Variants in NAA25 observed in about 807,000 individuals in gnomAD.
NAA25 encodes the protein N-terminal acetyltransferase B complex subunit NAA25.
A neutral mutation model predicts 132.5 loss-of-function variants in NAA25; 30 were observed. The observed-to-expected ratio is 0.23, with a 90% confidence interval of 0.17 to 0.31. The LOEUF (loss-of-function observed/expected upper bound fraction) is 0.31. Ranked by LOEUF, NAA25 falls within the 10% of genes least tolerant of loss-of-function variation. NAA25 has a pLI of 1.00. For missense variants in NAA25, 771 were observed against 1,150.4 expected, an observed-to-expected ratio of 0.67 and a Z score of 4.77; for synonymous variants, 359 against 401.9, an observed-to-expected ratio of 0.89 and a Z score of 1.28.
intron 2 of NAA25, 82 bp from the exon 3 acceptor site, chr12:112,090,946 A>G: frequency 7.3e-7 from 1 of 1,377,704 alleles, no homozygotes. Context: ...TGAAAGAACA[A>G]GTATTAAGTT....
chr12:112,034,496 G>A (rs1340707354), intron 22 of NAA25: 1 of 152,228 alleles, frequency 6.6e-6, no homozygotes, highest in Non-Finnish European at 1.5e-5. Context: ...CATGGTGGCA[G>A]GCGCCTGTAA....
intron 11 of NAA25, among the ~76,000 whole-genome samples, chr12:112,065,268 G>A (rs2078699111): frequency 6.6e-6 from 1 of 151,176 alleles, no homozygotes; most frequent in African/African-American, 2.4e-5. Context: ...AGGCCAAGGC[G>A]GGCATATCAC....
At chr12:112,095,393 C>T (rs926848008) in intron 1 of NAA25, among the ~76,000 whole-genome samples, 7 of 151,194 alleles carry the variant, frequency 4.6e-5, no homozygotes, top group African/African-American at 1.7e-4. Context: ...GCTGAGATCG[C>T]GCCACTGCAC....
At position 112,049,088 on chromosome 12, in the gene NAA25, T is replaced by C. The variant is rs1002356853; in HGVS notation, c.1729-645A>G. On this transcript the variant is annotated intron_variant, in intron 15 of 23. Coordinates refer to ENST00000261745, the MANE Select transcript of NAA25 (RefSeq NM_024953.4). The surrounding 1 kb of genome is among the most constrained non-coding windows in gnomAD (Gnocchi z 4.7). ...AAGTTTCTTGTCCATCTACATTACG[T>C]AAGACCTCTGCTGGAAATTTCCTTA... Among the ~76,000 whole-genome samples, 2 of 152,208 alleles carry C rather than the reference T, an allele frequency of 1.3e-5. No individual in the cohort carries two copies. Among genetic ancestry groups the C allele is most frequent in the Non-Finnish European group, 2.9e-5 (2 of 68,030 alleles).
intron 1 of NAA25, among the ~76,000 whole-genome samples, chr12:112,108,262 C>G (rs1019744601): frequency 1.3e-5 from 2 of 152,158 alleles, no homozygotes; most frequent in Middle Eastern, 3.2e-3. Context: ...TGCACCGAAG[C>G]CCACCTAGTC....
intron 3 of NAA25, 63 bp from the exon 4 acceptor site, chr12:112,087,864 T>C (rs1183073723): frequency 1.0e-5 from 11 of 1,104,818 alleles, no homozygotes; most frequent in Non-Finnish European, 1.5e-5. Context: ...CATTTAATGT[T>C]CTTCCTATTT....
chr12:112,054,635 AC>A, intron 13 of NAA25, 67 bp from the exon 14 acceptor site: 1 of 1,449,934 alleles, frequency 6.9e-7, no homozygotes, highest in Admixed American at 2.2e-5. Flanking sequence ...AAAACAAAAA[AC>A]AAAACCTTAT....
chr12:112,069,887 G>A (rs945835115), intron 10 of NAA25, among the ~76,000 whole-genome samples: 2 of 151,944 alleles, frequency 1.3e-5, no homozygotes, highest in Non-Finnish European at 2.9e-5. Flanking sequence ...CAGCACTTCG[G>A]GAGGCCAAGG....
intron 15 of NAA25, among the ~76,000 whole-genome samples, chr12:112,051,138 T>C (rs1185681653): frequency 1.3e-5 from 2 of 152,204 alleles, no homozygotes; most frequent in African/African-American, 4.8e-5. Context: ...TAGATTTCTT[T>C]AGGAAACAGT....
At chr12:112,067,155 C>T (rs550082080) in intron 11 of NAA25, among the ~76,000 whole-genome samples, 7 of 152,050 alleles carry the variant, frequency 4.6e-5, no homozygotes, top group African/African-American at 1.2e-4. Flanking sequence ...GCAGAGATCG[C>T]GCCAACACAC....
In NAA25 at chr12:112,042,177, C is replaced by T; in HGVS notation, c.2375-73G>A. ...TAAGATAAAGAAGCAAGATAAATAC[C>T]TGCAAGAAGTTCATGGGCAAGGACA... On this transcript the variant is annotated intron_variant, in intron 19 of 23. Transcript: ENST00000261745. 7.3e-6 allele frequency: 5 copies of T among 687,470 alleles called. No homozygotes were observed. In the South Asian group the frequency reaches 1.3e-4, roughly 17 times the overall value. The allele number at this position is 687,470 out of a possible 1,614,324, so 42.6% of individuals were successfully genotyped here.
At chr12:112,060,488 A>G (rs1041570748) in intron 12 of NAA25, 129 bp from the exon 13 acceptor site, 1 of 615,372 alleles carries the variant, frequency 1.6e-6, no homozygotes, top group Admixed American at 3.1e-5. Flanking sequence ...AGAATAAGAT[A>G]AGTACCAGGA....
intron 10 of NAA25, 126 bp from the exon 11 acceptor site, chr12:112,069,118 T>G (rs1053503659): frequency 1.6e-6 from 1 of 621,520 alleles, no homozygotes; most frequent in Non-Finnish European, 2.9e-6. Context: ...GGTCCCAAGA[T>G]AGCGGGTTAT....
chr12:112,073,302 G>T (rs999944414), intron 9 of NAA25, among the ~76,000 whole-genome samples: 1 of 151,912 alleles, frequency 6.6e-6, no homozygotes, highest in Non-Finnish European at 1.5e-5. Context: ...TTTTGAGATG[G>T]GGTCTTGTAC....
chr12:112,064,422 G>A (rs1413685805), intron 11 of NAA25, among the ~76,000 whole-genome samples: 7 of 152,040 alleles, frequency 4.6e-5, no homozygotes, highest in African/African-American at 1.7e-4. Context: ...GTAGACACGG[G>A]GTTTTGCCAT....
Position 112,053,717 on chromosome 12 carries a change from G to A in NAA25, c.1629-60C>T, listed in dbSNP as rs971771135. On this transcript the variant is annotated intron_variant, in intron 14 of 23. Coordinates refer to ENST00000261745, the MANE Select transcript of NAA25 (RefSeq NM_024953.4). ...TGTTATACTTACTTACCTAGCTCAAGTAACAAATATTACGCTTCAAATTAC... is the reference window on the plus strand; with the variant it reads ...TGTTATACTTACTTACCTAGCTCAAATAACAAATATTACGCTTCAAATTAC... The A allele has an allele frequency of 3.8e-5, 42 of 1,116,232 alleles. 1 individual carries two copies. Among genetic ancestry groups the A allele is most frequent in the South Asian group, 2.1e-4 (15 of 73,022 alleles). 69.1% of individuals were successfully genotyped at this position (1,116,232 alleles called of 1,614,324 possible). A position where few individuals can be genotyped will look rare whatever the true frequency, so the allele number is the denominator to read the frequency against.
chr12:112,048,192 T>G, intron 16 of NAA25, 100 bp downstream of exon 16: 1 of 1,189,920 alleles, frequency 8.4e-7, no homozygotes, highest in Non-Finnish European at 1.2e-6. Flanking sequence ...TTTCCCCCTA[T>G]TTTACCTTAA....
Position 112,093,108 on chromosome 12 carries a change from C to T in NAA25, c.87G>A (p.Met29Ile). ...ACAGTTTATCTGCTTGCTGAATTGC[C>T]ATTTTATTATTACCATTGTCAAGAT... Reference protein sequence around the residue: ...YDYLDNGNNKMAIQQADKLLK... With the variant: ...YDYLDNGNNKIAIQQADKLLK... Residue 29 changes from methionine to isoleucine, a missense_variant, in exon 2 of 24, where the codon ATG becomes ATA. Physicochemically the swap from Met to Ile is conservative, Grantham distance 10. Around this residue, in one of 3 missense-constraint regions of NAA25, gnomAD observed 417 missense variants for 733.8 expected, o/e 0.57. Coordinates refer to ENST00000261745, the MANE Select transcript of NAA25 (RefSeq NM_024953.4). 6.2e-7 allele frequency: 1 copy of T among 1,610,046 alleles called. No individual in the cohort carries two copies. The highest frequency in any genetic ancestry group is 1.1e-5 in the South Asian group (1 of 90,880).
At position 112,078,725 on chromosome 12, in the gene NAA25, T is replaced by C; in HGVS notation, c.494A>G (p.Asp165Gly). Reference protein sequence around the residue: ...SLIMQSISAQDENLSKTMFLP... With the variant: ...SLIMQSISAQGENLSKTMFLP... ...AAACATTGTTTTTGAGAGGTTTTCA[T>C]CCTGTGCCGATATAGACTGAAAGAA... Residue 165 changes from aspartate to glycine, a missense_variant, in exon 6 of 24, where the codon GAT becomes GGT. Around this residue, in one of 3 missense-constraint regions of NAA25, gnomAD observed 417 missense variants for 733.8 expected, o/e 0.57. Transcript: ENST00000261745. The C allele has an allele frequency of 6.2e-7, 1 of 1,613,662 alleles. No homozygotes were observed. Among genetic ancestry groups the C allele is most frequent in the Non-Finnish European group, 8.5e-7 (1 of 1,179,688 alleles).
Sources: allele counts gnomAD v4.1 joint callset (sites outside exome capture counted in the v4.1 genomes callset), GRCh38; gene constraint gnomAD v4.1.1; regional missense constraint gnomAD v4.1.1; non-coding constraint Gnocchi (gnomAD v3.1); transcripts MANE v1.5; gene names NCBI Gene and HGNC (gene_info 2026-07-23, HGNC 2026-07-21).